Variants in TPRG1 observed in about 807,000 individuals in gnomAD.
TPRG1 encodes tumor protein p63-regulated gene 1 protein.
TPRG1 carries 29 observed loss-of-function variants against 29.3 expected under a neutral mutation model. The ratio of observed to expected loss-of-function variants is 0.99; its 90% confidence interval spans 0.74 to 1.35. The LOEUF (loss-of-function observed/expected upper bound fraction) is 1.35, where lower values mean the gene tolerates loss of function less well. Among genes scored for constraint, TPRG1 ranks in the 40% most tolerant of loss-of-function variants. The pLI, the probability that TPRG1 is intolerant of heterozygous loss-of-function variation, is 0.00. For missense variants in TPRG1, 327 were observed against 335.0 expected (o/e 0.98, Z 0.19); for synonymous variants, 130 against 116.8 (o/e 1.11, Z -0.73).
intron 3 of TPRG1, among the ~76,000 whole-genome samples, chr3:189,230,907 A>G (rs1216936257): frequency 6.6e-6 from 1 of 152,284 alleles, no homozygotes; most frequent in East Asian, 1.9e-4. Flanking sequence ...AGCTATTAAT[A>G]TCATCCTGAG....
At chr3:189,131,775 A>G (rs1205741069) in intron 2 of TPRG1, among the ~76,000 whole-genome samples, 1 of 152,224 alleles carries the variant, frequency 6.6e-6, no homozygotes, top group Admixed American at 6.5e-5. Context: ...GAGGCATATT[A>G]TTATGCTTGT....
At chr3:189,190,366 C>A (rs937168310) in intron 1 of TPRG1, among the ~76,000 whole-genome samples, 3 of 152,164 alleles carry the variant, frequency 2.0e-5, no homozygotes, top group African/African-American at 4.8e-5. Flanking sequence ...CAGTTTCTAT[C>A]TGGTCTCCTT....
chr3:189,308,406 G>A (rs2109303675), intron 4 of TPRG1, among the ~76,000 whole-genome samples: 1 of 152,254 alleles, frequency 6.6e-6, no homozygotes, highest in East Asian at 1.9e-4. Flanking sequence ...TTGTTCTAAT[G>A]GTGTTTGACA....
chr3:189,097,594 A>G (rs1025178272), upstream of TPRG1, among the ~76,000 whole-genome samples: 9 of 152,232 alleles, frequency 5.9e-5, no homozygotes, highest in Non-Finnish European at 1.2e-4. Context: ...TCATAAAATA[A>G]ATAATAATTT....
intron 3 of TPRG1, among the ~76,000 whole-genome samples, chr3:189,014,635 C>T (rs987282372): frequency 6.6e-5 from 10 of 152,142 alleles, no homozygotes; most frequent in African/African-American, 2.4e-4. Flanking sequence ...TTCTCCCTTG[C>T]TGTTCTCATG....
At chr3:189,264,135 T>C (rs1469499901) in intron 4 of TPRG1, among the ~76,000 whole-genome samples, 4 of 152,318 alleles carry the variant, frequency 2.6e-5, no homozygotes, top group East Asian at 1.9e-4. Context: ...CTTGAGAAAG[T>C]TGTTTCCTTT....
chr3:189,141,558 G>C (rs186468335), intron 3 of TPRG1, among the ~76,000 whole-genome samples: 1 of 152,204 alleles, frequency 6.6e-6, no homozygotes, highest in East Asian at 1.9e-4. Context: ...TCAAAATCCA[G>C]GGATGGGGAT....
In TPRG1 at chr3:189,207,416, A is replaced by T; in HGVS notation, c.32A>T (p.Gln11Leu). Residue 11 changes from glutamine (Q) to leucine (L), a missense_variant, in exon 2 of 6, where the codon CAG becomes CTG. Transcript: ENST00000345063. MSTIGSFEGFQAVSLKQEGDD... is the reference protein window; with the variant it reads MSTIGSFEGFLAVSLKQEGDD... The stretch of plus-strand genomic sequence containing the variant: ...ACAATTGGGAGTTTTGAAGGATTCC[A>T]GGCTGTGTCTCTGAAGCAAGAGGGA... 6.2e-7 allele frequency: 1 copy of T among 1,614,022 alleles called. No homozygotes were observed. Among genetic ancestry groups the T allele is most frequent in the Non-Finnish European group, 8.5e-7 (1 of 1,179,942 alleles).
chr3:189,250,987 CTCTG>C (rs1406141877), intron 4 of TPRG1, among the ~76,000 whole-genome samples: 1 of 152,098 alleles, frequency 6.6e-6, no homozygotes, highest in African/African-American at 2.4e-5. Flanking sequence ...TCTTCTGACT[CTCTG>C]TCCAGTGTTT....
At chr3:189,228,633 T>C (rs1344840291) in intron 3 of TPRG1, among the ~76,000 whole-genome samples, 1 of 152,132 alleles carries the variant, frequency 6.6e-6, no homozygotes, top group Non-Finnish European at 1.5e-5. Flanking sequence ...AAAATTTGCA[T>C]AAAATCTATA....
chr3:189,051,006 C>T (rs1240054139), intron 4 of TPRG1, among the ~76,000 whole-genome samples: 1 of 152,136 alleles, frequency 6.6e-6, no homozygotes, highest in Non-Finnish European at 1.5e-5. Context: ...TGAAAGCATT[C>T]CCTCTGAGAA....
chr3:189,286,215 C>CA (rs1401137812), intron 4 of TPRG1, among the ~76,000 whole-genome samples: 1 of 152,020 alleles, frequency 6.6e-6, no homozygotes, highest in African/African-American at 2.4e-5. Context: ...GATCTCAGAT[C>CA]AAATGTCACC....
intron 1 of TPRG1, among the ~76,000 whole-genome samples, chr3:188,999,768 T>C (rs1711942289): frequency 1.3e-5 from 2 of 152,254 alleles, no homozygotes; most frequent in Admixed American, 1.3e-4. Context: ...CTCCCCACTT[T>C]CTTGGATATT....
chr3:189,142,922 C>G (rs748664868), intron 3 of TPRG1, among the ~76,000 whole-genome samples: 1 of 152,166 alleles, frequency 6.6e-6, no homozygotes, highest in African/African-American at 2.4e-5. Flanking sequence ...TTTTTAAAAA[C>G]TTTCACCTTT....
At chr3:189,000,458 T>C (rs1038584646) in intron 1 of TPRG1, among the ~76,000 whole-genome samples, 36 of 152,114 alleles carry the variant, frequency 2.4e-4, no homozygotes, top group African/African-American at 8.7e-4. Context: ...TATTTACTCT[T>C]GAATTTTTTG....
At chr3:189,095,188 G>A (rs929831529), upstream of TPRG1, among the ~76,000 whole-genome samples, 1 of 152,182 alleles carries the variant, frequency 6.6e-6, no homozygotes, top group African/African-American at 2.4e-5. Flanking sequence ...CTCTGCAATG[G>A]AACAGGACAT....
chr3:189,104,865 G>C (rs1719628179), intron 1 of TPRG1, among the ~76,000 whole-genome samples: 1 of 151,788 alleles, frequency 6.6e-6, no homozygotes, highest in African/African-American at 2.4e-5. Flanking sequence ...CAACCTTCAG[G>C]GTCTCCTCTG....
intron 4 of TPRG1, among the ~76,000 whole-genome samples, chr3:189,024,302 G>C (rs1713538483): frequency 6.6e-6 from 1 of 152,208 alleles, no homozygotes; most frequent in African/African-American, 2.4e-5. Flanking sequence ...GGCCAGCTCT[G>C]CTGGGGAACC....
In TPRG1 at chr3:189,044,229, C is replaced by A. The variant is rs575421330; in HGVS notation, c.-463+20283C>A. The stretch of plus-strand genomic sequence containing the variant: ...GCTAAGTATCACAGGGACTCTGGAG[C>A]TGGAGAGGTTAGATGCAACATCATG... On this transcript the variant is annotated intron_variant, in intron 4 of 10. Transcript: ENST00000433971. Among the ~76,000 whole-genome samples the A allele has an allele frequency of 3.9e-5, 6 of 151,956 alleles. No individual in the cohort carries two copies. The South Asian group carries it at 1.2e-3, about 32-fold the overall frequency.
Sources: gnomAD v4.1 joint callset for allele counts (sites outside exome capture counted in the v4.1 genomes callset) on GRCh38, gnomAD v4.1.1 for gene constraint, MANE v1.5 for transcripts, NCBI Gene and HGNC (gene_info 2026-07-23, HGNC 2026-07-21) for gene names.